Variants in NDST4 observed in about 807,000 individuals in gnomAD.
The protein encoded by NDST4 is N-deacetylase and N-sulfotransferase 4.
NDST4 carries 63 observed loss-of-function variants against 100.8 expected under a neutral mutation model. The ratio of observed to expected loss-of-function variants is 0.62; its 90% CI spans 0.51 to 0.77. NDST4 has a LOEUF of 0.77. NDST4 is among the 30% of genes least tolerant of loss of function. The pLI is 0.00. For missense variants in NDST4, 943 were observed against 1,018.4 expected, an observed-to-expected ratio of 0.93 and a Z score of 1.01; for synonymous variants, 377 against 361.8, an observed-to-expected ratio of 1.04 and a Z score of -0.48.
chr4:114,841,761 A>G (rs1723431662), intron 10 of NDST4, among the ~76,000 whole-genome samples: 1 of 152,196 alleles, frequency 6.6e-6, no homozygotes, highest in South Asian at 2.1e-4. Flanking sequence ...AGAAAGACAT[A>G]ATTCTTGTAC....
At chr4:115,100,571 C>T (rs1004090337) in intron 1 of NDST4, among the ~76,000 whole-genome samples, 7 of 152,016 alleles carry the variant, frequency 4.6e-5, no homozygotes, top group African/African-American at 1.4e-4. Context: ...ATTACACATG[C>T]ACAGTAGGAT....
At chr4:115,075,784 G>GAAAAAAAAAA (rs56658909) in intron 2 of NDST4, among the ~76,000 whole-genome samples, 2 of 87,422 alleles carry the variant, frequency 2.3e-5, no homozygotes, top group Non-Finnish European at 2.0e-5. Context: ...AGTCTGTTCA[G>GAAAAAAAAAA]AAAAAAAAAA....
At chr4:114,914,328 T>C (rs1725124200) in intron 6 of NDST4, among the ~76,000 whole-genome samples, 1 of 152,184 alleles carries the variant, frequency 6.6e-6, no homozygotes, top group Non-Finnish European at 1.5e-5. Flanking sequence ...AGAGTATAGT[T>C]GGATTGCTTG....
intron 2 of NDST4, among the ~76,000 whole-genome samples, chr4:115,031,489 C>T (rs1192977224): frequency 6.6e-6 from 1 of 152,040 alleles, no homozygotes; most frequent in Non-Finnish European, 1.5e-5. Context: ...CCTGACCAAC[C>T]TCATCCCCTG....
In NDST4 at chr4:114,892,190, C is replaced by T. The variant is rs2126206588; in HGVS notation, c.1537-21240G>A. Among the ~76,000 whole-genome samples, 2 of 152,152 alleles carry T rather than the reference C, an allele frequency of 1.3e-5. 1 individual carries two copies. The highest frequency in any genetic ancestry group is 4.1e-4 in the South Asian group (2 of 4,826). ...GTTTTACCTATCCTTATAAATTCCCCAGCATACTGATATTTATAATCACTC... is the reference window on the plus strand; with the variant it reads ...GTTTTACCTATCCTTATAAATTCCCTAGCATACTGATATTTATAATCACTC... On this transcript the variant is annotated intron_variant, in intron 6 of 13. Coordinates refer to ENST00000264363, the MANE Select transcript of NDST4 (RefSeq NM_022569.3).
At chr4:114,893,899 T>C (rs1255069714) in intron 6 of NDST4, among the ~76,000 whole-genome samples, 1 of 152,224 alleles carries the variant, frequency 6.6e-6, no homozygotes, top group Non-Finnish European at 1.5e-5. Context: ...TTAATTCATC[T>C]TGAGTTAATT....
At chr4:115,013,766 T>C (rs894756838) in intron 2 of NDST4, among the ~76,000 whole-genome samples, 8 of 151,934 alleles carry the variant, frequency 5.3e-5, no homozygotes, top group Admixed American at 4.6e-4. Context: ...ATTGGTTTCA[T>C]AACCTGAAAA....
At chr4:115,073,028 T>C (rs1729108404) in intron 2 of NDST4, among the ~76,000 whole-genome samples, 1 of 151,970 alleles carries the variant, frequency 6.6e-6, no homozygotes. Flanking sequence ...TGAATAAACA[T>C]TTCTCAAAAG....
At position 114,938,057 on chromosome 4, in the gene NDST4, A is replaced by C. The variant is rs571297317; in HGVS notation, c.1222-554T>G. Among the ~76,000 whole-genome samples the C allele has an allele frequency of 2.6e-5, 4 of 152,336 alleles. No individual in the cohort carries two copies. In the East Asian group the frequency reaches 7.7e-4, roughly 29 times the overall value. On this transcript the variant is annotated intron_variant, in intron 4 of 13. Transcript: ENST00000264363. ...ATCTGCTCTGAGTTTTAAGAAGAAG[A>C]ACCTAGTGACAGCATGTTAAGATAA...
At chr4:115,070,839 T>C (rs1729060235) in intron 2 of NDST4, among the ~76,000 whole-genome samples, 1 of 152,144 alleles carries the variant, frequency 6.6e-6, no homozygotes, top group Non-Finnish European at 1.5e-5. Flanking sequence ...GCACGGTGGC[T>C]CATGCCTGTA....
chr4:114,862,241 A>G (rs888140447), intron 7 of NDST4, among the ~76,000 whole-genome samples: 12 of 152,192 alleles, frequency 7.9e-5, no homozygotes, highest in African/African-American at 2.7e-4. Flanking sequence ...CACACCATAC[A>G]TAATCCCCAA....
intron 6 of NDST4, among the ~76,000 whole-genome samples, chr4:114,898,612 G>A (rs910095882): frequency 8.5e-5 from 13 of 152,094 alleles, no homozygotes; most frequent in African/African-American, 2.7e-4. Flanking sequence ...GGATTGTGCC[G>A]AATCAAGTTG....
At chr4:115,061,494 A>G (rs1020940489) in intron 2 of NDST4, among the ~76,000 whole-genome samples, 1 of 152,096 alleles carries the variant, frequency 6.6e-6, no homozygotes. Context: ...GAAGCTGGAA[A>G]CCATCATTCT....
intron 10 of NDST4, among the ~76,000 whole-genome samples, chr4:114,843,795 T>G (rs1723483005): frequency 6.6e-6 from 1 of 152,274 alleles, no homozygotes; most frequent in South Asian, 2.1e-4. Context: ...CGCTCTGCAC[T>G]TTTCATCTCT....
chr4:114,988,507 G>T (rs551375579), intron 2 of NDST4, among the ~76,000 whole-genome samples: 1 of 151,214 alleles, frequency 6.6e-6, no homozygotes, highest in African/African-American at 2.4e-5. Context: ...GACTACAGGC[G>T]CCCGCCACCA....
chr4:114,901,014 A>C (rs944111759), intron 6 of NDST4, among the ~76,000 whole-genome samples: 9 of 128,948 alleles, frequency 7.0e-5, no homozygotes, highest in African/African-American at 3.4e-4. Flanking sequence ...CAGACACTAT[A>C]TGATTTTTTT....
At chr4:114,970,612 T>G in intron 3 of NDST4, 28 bp from the exon 4 acceptor site, 1 of 1,581,318 alleles carries the variant, frequency 6.3e-7, no homozygotes, top group Non-Finnish European at 8.6e-7. Flanking sequence ...AAAAATAACT[T>G]TAGTGAAAAT....
At chr4:114,974,633 G>A (rs279520) in intron 3 of NDST4, among the ~76,000 whole-genome samples, 132,290 of 152,082 alleles carry the variant, frequency 0.87, 58,010 homozygotes, top group African/African-American at 0.92. Flanking sequence ...CCAGACTAAG[G>A]TATTTCATTC....
intron 6 of NDST4, among the ~76,000 whole-genome samples, chr4:114,933,177 A>G (rs952844374): frequency 2.6e-5 from 4 of 152,150 alleles, no homozygotes; most frequent in Non-Finnish European, 4.4e-5. Flanking sequence ...ATGCACTTAC[A>G]GTCAACTGAT....
Sources: allele counts gnomAD v4.1 joint callset (sites outside exome capture counted in the v4.1 genomes callset), GRCh38; gene constraint gnomAD v4.1.1; transcripts MANE v1.5; gene names NCBI Gene and HGNC (gene_info 2026-07-23, HGNC 2026-07-21).